Variants in SSPN observed in about 807,000 individuals in gnomAD.
SSPN encodes sarcospan, also known as K-ras oncogene-associated protein.
In SSPN, 15 loss-of-function variants were observed where a neutral mutation model predicts 19.1. The observed-to-expected ratio is 0.78, with a 90% CI of 0.52 to 1.21. SSPN has a LOEUF of 1.21. Ranked by LOEUF, SSPN falls within the 50% of genes most tolerant of loss-of-function variation. The pLI is 0.00. For synonymous variants in SSPN, 147 were observed against 140.3 expected (o/e 1.05, Z -0.34); for missense variants, 291 against 314.0 (o/e 0.93, Z 0.55).
intron 1 of SSPN, among the ~76,000 whole-genome samples, chr12:26,188,704 A>T (rs1944769210): frequency 6.6e-6 from 1 of 152,214 alleles, no homozygotes; most frequent in South Asian, 2.1e-4. Flanking sequence ...GGATTTATAA[A>T]TATTTATTAA....
At chr12:26,194,259 C>G (rs1460912000), upstream of SSPN, among the ~76,000 whole-genome samples, 1 of 152,154 alleles carries the variant, frequency 6.6e-6, no homozygotes, top group Admixed American at 6.5e-5. Flanking sequence ...TGGGCCAGGA[C>G]CAAGTCTATT....
chr12:26,122,414 C>T (rs746215715), intron 1 of SSPN: 38 of 1,319,364 alleles, frequency 2.9e-5, no homozygotes, highest in Non-Finnish European at 3.3e-5. Context: ...CGCTCTTGTC[C>T]AGGAAGGGCT....
intron 1 of SSPN, chr12:26,123,954 T>C (rs1251321481): frequency 3.6e-6 from 3 of 827,072 alleles, no homozygotes; most frequent in Non-Finnish European, 6.0e-6. Context: ...CTGTACGGTA[T>C]AGCACAAGTT....
intron 1 of SSPN, among the ~76,000 whole-genome samples, chr12:26,142,692 GCTATTT>G (rs1944467540): frequency 6.6e-6 from 1 of 152,174 alleles, no homozygotes; most frequent in East Asian, 1.9e-4. Context: ...GAGTGGTTGA[GCTATTT>G]CAGGACATGG....
At position 26,195,641 on chromosome 12, in the gene SSPN, G is replaced by GCGGGGGGCCCCCCCCC; in HGVS notation, c.-31_-30insGGGGGGCCCCCCCCCC. 19 of 1,105,388 alleles carry GCGGGGGGCCCCCCCCC rather than the reference G, an allele frequency of 1.7e-5. No individual in the cohort carries two copies. Among genetic ancestry groups the GCGGGGGGCCCCCCCCC allele is most frequent in the Non-Finnish European group, 2.2e-5 (19 of 878,108 alleles). The allele number at this position is 1,105,388 out of a possible 1,614,324, so 68.5% of individuals were successfully genotyped here. A position where few individuals can be genotyped will look rare whatever the true frequency, so the allele number is the denominator to read the frequency against. On this transcript the variant is annotated 5_prime_UTR_variant, in exon 1 of 3. Coordinates refer to ENST00000242729, the MANE Select transcript of SSPN (RefSeq NM_005086.5). Reference sequence around the variant, plus strand: ...CTCCAGGGCCCAGGGCGCCGCACACGCACCCACCCACCCACCCAGCCTCGC... The same window carrying GCGGGGGGCCCCCCCCC: ...CTCCAGGGCCCAGGGCGCCGCACACGCGGGGGGCCCCCCCCCCACCCACCCACCCACCCAGCCTCGC...
intron 1 of SSPN, among the ~76,000 whole-genome samples, chr12:26,189,865 G>A (rs187890142): frequency 1.5e-3 from 221 of 152,290 alleles, no homozygotes; most frequent in African/African-American, 4.9e-3. Flanking sequence ...AGGACAGAGT[G>A]AATTTGAGGC....
chr12:26,196,994 G>A (rs1944835998), intron 1 of SSPN, among the ~76,000 whole-genome samples: 1 of 152,172 alleles, frequency 6.6e-6, no homozygotes, highest in Admixed American at 6.5e-5. Flanking sequence ...TTTGAGCCAC[G>A]AAACAACACT....
In SSPN at chr12:26,195,742, C is replaced by T. The variant is rs1944822021; in HGVS notation, c.70C>T (p.Pro24Ser). ...GGPPAADAAG[P>S]DDMEPKKGTG... ...CCCGCCGGCCGCGGACGCCGCTGGG[C>T]CCGACGACATGGAGCCGAAGAAGGG... Residue 24 changes from proline (P) to serine (S), a missense_variant, in exon 1 of 3, where the codon CCC becomes TCC. Pro to Ser is a moderately conservative substitution (Grantham distance 74, BLOSUM62 -1). Coordinates refer to ENST00000242729, the MANE Select transcript of SSPN (RefSeq NM_005086.5). 1.4e-6 allele frequency: 2 copies of T among 1,454,592 alleles called. No individual in the cohort carries two copies. The highest frequency in any genetic ancestry group is 3.0e-5 in the East Asian group (1 of 32,868). 90.1% of individuals were successfully genotyped at this position (1,454,592 alleles called of 1,614,324 possible).
chr12:26,226,814 C>T (rs949415291), intron 2 of SSPN, among the ~76,000 whole-genome samples: 1 of 152,208 alleles, frequency 6.6e-6, no homozygotes, highest in Admixed American at 6.5e-5. Context: ...TCCTCCCGAG[C>T]AGTGCGCTGC....
At chr12:26,131,372 A>T (rs539133998) in intron 1 of SSPN, among the ~76,000 whole-genome samples, 57 of 152,284 alleles carry the variant, frequency 3.7e-4, no homozygotes, top group African/African-American at 1.2e-3. Context: ...CTTGGAAATG[A>T]TTGTCTGTCT....
chr12:26,146,827 A>AAAAAAAAAAAAAAAG (rs1166659656), intron 1 of SSPN, among the ~76,000 whole-genome samples: 1 of 151,636 alleles, frequency 6.6e-6, no homozygotes, highest in Non-Finnish European at 1.5e-5. Flanking sequence ...CTAAAAAAAA[A>AAAAAAAAAAAAAAAG]AAAGAAAGAA....
intron 1 of SSPN, among the ~76,000 whole-genome samples, chr12:26,208,764 A>AT (rs1300975060): frequency 2.0e-5 from 3 of 152,034 alleles, no homozygotes; most frequent in Admixed American, 1.3e-4. Context: ...GGGTCCATAC[A>AT]TTTTTTCTCA....
intron 1 of SSPN, among the ~76,000 whole-genome samples, chr12:26,161,078 A>G (rs1944585385): frequency 6.9e-6 from 1 of 144,596 alleles, no homozygotes; most frequent in Non-Finnish European, 1.5e-5. Flanking sequence ...ACTGCACTCC[A>G]GCCTGGGTGA....
At chr12:26,226,858 G>A (rs1945181799) in intron 2 of SSPN, among the ~76,000 whole-genome samples, 1 of 152,202 alleles carries the variant, frequency 6.6e-6, no homozygotes, top group African/African-American at 2.4e-5. Context: ...CACCGGGGAA[G>A]GTAATTAAAT....
At chr12:26,154,587 G>A (rs1252976724) in intron 1 of SSPN, among the ~76,000 whole-genome samples, 1 of 152,030 alleles carries the variant, frequency 6.6e-6, no homozygotes, top group African/African-American at 2.4e-5. Flanking sequence ...AATGACTTAG[G>A]GAATGACTAA....
chr12:26,174,511 T>TC (rs777321228), intron 1 of SSPN, among the ~76,000 whole-genome samples: 7 of 145,782 alleles, frequency 4.8e-5, no homozygotes, highest in Non-Finnish European at 7.5e-5. Context: ...TTCCCTTCCT[T>TC]CCTTCCTTCC....
chr12:26,188,260 A>C (rs1022859284), intron 1 of SSPN, among the ~76,000 whole-genome samples: 1 of 152,198 alleles, frequency 6.6e-6, no homozygotes, highest in Non-Finnish European at 1.5e-5. Context: ...AAATGAAAGA[A>C]TTCATAGAAG....
At chr12:26,176,089 G>C (rs1321057971) in intron 1 of SSPN, among the ~76,000 whole-genome samples, 1 of 152,116 alleles carries the variant, frequency 6.6e-6, no homozygotes, top group Non-Finnish European at 1.5e-5. Flanking sequence ...TGCCCACCTT[G>C]GCCTCCTAAA....
At chr12:26,175,603 T>C (rs1166353271) in intron 1 of SSPN, among the ~76,000 whole-genome samples, 1 of 152,186 alleles carries the variant, frequency 6.6e-6, no homozygotes, top group African/African-American at 2.4e-5. Flanking sequence ...TTCAGGAATC[T>C]ATTTGTTTTA....
Sources: gnomAD v4.1 joint callset for allele counts (sites outside exome capture counted in the v4.1 genomes callset) on GRCh38, gnomAD v4.1.1 for gene constraint, MANE v1.5 for transcripts, NCBI Gene and HGNC (gene_info 2026-07-23, HGNC 2026-07-21) for gene names.